The following IL15RA variants were observed in gnomAD, a reference collection of about 807,000 sequenced individuals.
IL15RA encodes interleukin-15 receptor subunit alpha.
Under a neutral mutation model 24.2 loss-of-function variants are expected in IL15RA, and 26 were observed. The observed-to-expected ratio is 1.07, with a 90% CI of 0.79 to 1.49. The LOEUF (loss-of-function observed/expected upper bound fraction) is 1.49. Among genes scored for constraint, IL15RA ranks in the 40% most tolerant of loss-of-function variants. The probability of loss-of-function intolerance (pLI) is 0.00; values close to 1 mark genes in which losing one functional copy is unlikely to be tolerated. For missense variants in IL15RA, 354 were observed against 356.4 expected, an observed-to-expected ratio of 0.99 and a Z score of 0.05; for synonymous variants, 166 against 157.6, an observed-to-expected ratio of 1.05 and a Z score of -0.40.
Position 5,966,212 on chromosome 10 carries a change from C to G in IL15RA, c.216G>C (p.Leu72=), listed in dbSNP as rs765974534. ...GFKRKAGTSS[L]TECVLNKATN... The stretch of plus-strand genomic sequence containing the variant: ...TGGCCTTGTTCAACACGCACTCCGT[C>G]AGGCTGGACGTGCCGGCTTTACGCT... The change falls in exon 2 of 7, where the codon CTG becomes CTC. Residue 72 remains leucine (L), a synonymous_variant. Transcript: ENST00000379977. The surrounding 1 kb of genome is among the most constrained non-coding windows in gnomAD (Gnocchi z 6.4). The G allele has an allele frequency of 6.2e-7, 1 of 1,614,080 alleles. No homozygotes were observed. Among genetic ancestry groups the G allele is most frequent in the South Asian group, 1.1e-5 (1 of 91,072 alleles).
At chr10:5,949,923 C>T (rs893268277), downstream of IL15RA, among the ~76,000 whole-genome samples, 20 of 152,040 alleles carry the variant, frequency 1.3e-4, no homozygotes, top group African/African-American at 4.6e-4. This position sits in a 1 kb window ranked among gnomAD's most constrained non-coding sequence, Gnocchi z 4.4. Flanking sequence ...TGGTGAAACA[C>T]TGTCTCTGCC....
Position 5,953,296 on chromosome 10 carries a change from A to C in IL15RA, c.693-90T>G. ...TTCCCACTGAGCATGTATGTCCAGC[A>C]CTGCGGGGATGGCAGGAGCAGACAG... is the stretch of plus-strand genomic sequence containing the variant. On this transcript the variant is annotated intron_variant, in intron 6 of 6. Transcript: ENST00000379977. The surrounding 1 kb of genome is among the most constrained non-coding windows in gnomAD (Gnocchi z 5.3). 1.1e-6 allele frequency: 1 copy of C among 927,254 alleles called. No individual in the cohort carries two copies. Among genetic ancestry groups the C allele is most frequent in the Non-Finnish European group, 1.8e-6 (1 of 564,422 alleles). The allele number at this position is 927,254 out of a possible 1,614,324, so 57.4% of individuals were successfully genotyped here. A position where few individuals can be genotyped will look rare whatever the true frequency, so the allele number is the denominator to read the frequency against.
rs924673236 is a variant in IL15RA at position 5,967,786 on chromosome 10, C to T, written c.89-1447G>A. 3.3e-5 allele frequency among the ~76,000 whole-genome samples: 5 copies of T among 152,106 alleles called. No homozygotes were observed. The highest frequency in any genetic ancestry group is 9.7e-5 in the African/African-American group (4 of 41,432). On this transcript the variant is annotated intron_variant, in intron 1 of 6. Coordinates refer to ENST00000379977, the MANE Select transcript of IL15RA (RefSeq NM_002189.4). This position sits in a 1 kb window ranked among gnomAD's most constrained non-coding sequence, Gnocchi z 4.4. ...AATTCGATAAAGAATAGGCTGGGTG[C>T]GGTAGCTCACGCCTGTAATCCGAGG... is the stretch of plus-strand genomic sequence containing the variant.
At chr10:5,977,619 C>T, upstream of IL15RA, 2 of 1,259,208 alleles carry the variant, frequency 1.6e-6, no homozygotes, top group East Asian at 3.2e-5. Context: ...TTTGCTTTGG[C>T]CCCCGAGGGC....
rs1197326995 is a variant in IL15RA at position 5,968,521 on chromosome 10, T to C, written c.89-2182A>G. On this transcript the variant is annotated intron_variant, in intron 1 of 6. Coordinates refer to ENST00000379977, the MANE Select transcript of IL15RA (RefSeq NM_002189.4). This position sits in a 1 kb window ranked among gnomAD's most constrained non-coding sequence, Gnocchi z 5.4. ...AATGAGGACACATCTTCTGCTAAGC[T>C]GATGGCGTGAGAGATGGAGTCGATC... The C allele has an allele frequency of 5.9e-6, 3 of 505,806 alleles. No individual in the cohort carries two copies. The highest frequency in any genetic ancestry group is 3.5e-5 in the East Asian group (1 of 28,668). 31.3% of individuals were successfully genotyped at this position (505,806 alleles called of 1,614,324 possible).
rs1375046955 is a variant in IL15RA, at chr10:5,960,676, C to T, written c.383-109G>A. Reference sequence around the variant, plus strand: ...CCATAGTGAGTCACCCTGACCAGCCCTCCCTCTCTCACAGCCAACTGCTCC... The same window carrying T: ...CCATAGTGAGTCACCCTGACCAGCCTTCCCTCTCTCACAGCCAACTGCTCC... On this transcript the variant is annotated intron_variant, in intron 3 of 6. Coordinates refer to ENST00000379977, the MANE Select transcript of IL15RA (RefSeq NM_002189.4). This position sits in a 1 kb window ranked among gnomAD's most constrained non-coding sequence, Gnocchi z 5.1. The T allele has an allele frequency of 6.9e-6, 6 of 868,902 alleles. No homozygotes were observed. The highest frequency in any genetic ancestry group is 1.1e-5 in the Non-Finnish European group (6 of 536,206). The allele number at this position is 868,902 out of a possible 1,614,324, so 53.8% of individuals were successfully genotyped here. A position where few individuals can be genotyped will look rare whatever the true frequency, so the allele number is the denominator to read the frequency against.
chr10:5,969,093 C>G (rs1364049748), intron 1 of IL15RA, among the ~76,000 whole-genome samples: 1 of 152,088 alleles, frequency 6.6e-6, no homozygotes, highest in African/African-American at 2.4e-5. Flanking sequence ...TGTTTTGACA[C>G]CAATACCGTG....
intron 1 of IL15RA, among the ~76,000 whole-genome samples, chr10:5,976,359 C>A (rs950237923): frequency 1.1e-4 from 17 of 152,214 alleles, no homozygotes; most frequent in African/African-American, 4.1e-4. Context: ...AGGGCCTGGG[C>A]AGACTGGCCC....
chr10:5,972,244 T>C (rs1837730769), intron 1 of IL15RA, among the ~76,000 whole-genome samples: 1 of 152,198 alleles, frequency 6.6e-6, no homozygotes, highest in African/African-American at 2.4e-5. Flanking sequence ...GAATCATGCC[T>C]TTCCAAGAAG....
At chr10:5,954,098 A>G (rs796626970) in intron 6 of IL15RA, 18 of 152,332 alleles carry the variant, frequency 1.2e-4, no homozygotes, top group Middle Eastern at 3.4e-3. Flanking sequence ...ATTTGCAAAA[A>G]ACAAGTTTAT....
In IL15RA at chr10:5,966,054, A is replaced by G. The variant is rs561438709; in HGVS notation, c.283+91T>C. 5.4e-6 allele frequency: 5 copies of G among 919,338 alleles called. No individual in the cohort carries two copies. In the African/African-American group the frequency reaches 8.1e-5, roughly 15 times the overall value. The allele number at this position is 919,338 out of a possible 1,614,324, so 56.9% of individuals were successfully genotyped here. A position where few individuals can be genotyped will look rare whatever the true frequency, so the allele number is the denominator to read the frequency against. ...TGTGTTTAGCCTCAGACCTCAGCAC[A>G]GATCCCTTGACCCCTGAGATGGGGT... On this transcript the variant is annotated intron_variant, in intron 2 of 6. Coordinates refer to ENST00000379977, the MANE Select transcript of IL15RA (RefSeq NM_002189.4). The surrounding 1 kb of genome is among the most constrained non-coding windows in gnomAD (Gnocchi z 6.4).
upstream of IL15RA, among the ~76,000 whole-genome samples, chr10:5,978,421 G>C (rs1838769906): frequency 1.3e-5 from 2 of 152,252 alleles, no homozygotes; most frequent in Middle Eastern, 3.4e-3. This position sits in a 1 kb window ranked among gnomAD's most constrained non-coding sequence, Gnocchi z 5.2. Flanking sequence ...ACATTGGACA[G>C]GACGAGACAT....
At chr10:5,952,348 T>C (rs1446629828), downstream of IL15RA, 1 of 152,778 alleles carries the variant, frequency 6.5e-6, no homozygotes, top group African/African-American at 2.4e-5. Context: ...ATGTGGAACA[T>C]TTCTCCTTGG....
downstream of IL15RA, chr10:5,948,997 G>A (rs1833689322): frequency 3.2e-6 from 1 of 313,636 alleles, no homozygotes; most frequent in Admixed American, 3.9e-5. Flanking sequence ...AAGTATAAAT[G>A]CATATATATG....
At chr10:5,950,678 C>T (rs11256094), downstream of IL15RA, 5,588 of 152,260 alleles carry the variant, frequency 0.037, 118 homozygotes, top group Middle Eastern at 0.064. The surrounding 1 kb of genome is among the most constrained non-coding windows in gnomAD (Gnocchi z 5.6). Context: ...AAAAGTGATG[C>T]GTGCCAGTGT....
chr10:5,953,723 A>T lies in IL15RA; in HGVS notation c.693-517T>A, dbSNP rs1230633746. The T allele has an allele frequency of 2.0e-5, 5 of 245,248 alleles. No individual in the cohort carries two copies. Among genetic ancestry groups the T allele is most frequent in the African/African-American group, 1.1e-4 (5 of 45,046 alleles). 15.2% of individuals were successfully genotyped at this position (245,248 alleles called of 1,614,324 possible). On this transcript the variant is annotated intron_variant, in intron 6 of 6. Coordinates refer to ENST00000379977, the MANE Select transcript of IL15RA (RefSeq NM_002189.4). The surrounding 1 kb of genome is among the most constrained non-coding windows in gnomAD (Gnocchi z 5.3). ...AACCAGAGTTGATCATCTTGAAAAA[A>T]GTGATTTAATATTCATGAAGCTTTT...
At chr10:5,969,010 G>A in intron 1 of IL15RA, 1 of 1,525,946 alleles carries the variant, frequency 6.6e-7, no homozygotes, top group Non-Finnish European at 8.8e-7. Flanking sequence ...GTAGGATCCT[G>A]AGCAAGGACT....
chr10:5,966,371 A>G lies in IL15RA; in HGVS notation c.89-32T>C, dbSNP rs543217496. The G allele has an allele frequency of 6.2e-4, 980 of 1,577,472 alleles. 10 individuals carry two copies. The South Asian group carries it at 0.01, about 17-fold the overall frequency. Reference sequence around the variant, plus strand: ...AAGTGCAGAGGACAGGGGACGGTGAAGAGGTTTCCACTTGTAAGAGGCGTT... The same window carrying G: ...AAGTGCAGAGGACAGGGGACGGTGAGGAGGTTTCCACTTGTAAGAGGCGTT... On this transcript the variant is annotated intron_variant, in intron 1 of 6. Transcript: ENST00000379977. The surrounding 1 kb of genome is among the most constrained non-coding windows in gnomAD (Gnocchi z 6.4).
Position 5,977,424 on chromosome 10 carries a change from G to T in IL15RA, c.69C>A (p.Leu23=). The T allele has an allele frequency of 1.5e-6, 2 of 1,353,752 alleles. No homozygotes were observed. The highest frequency in any genetic ancestry group is 3.6e-5 in the South Asian group (2 of 55,966). 83.9% of individuals were successfully genotyped at this position (1,353,752 alleles called of 1,614,324 possible). ...CCCTACCCCGCGTCGCCGGCGGCCG[G>T]AGCAGCAGCAGCAGTAGCAGCGCCG... ...GLPALLLLLL[L]RPPATRGITC... Residue 23 remains leucine, a synonymous_variant, in exon 1 of 7, where the codon CTC becomes CTA. Transcript: ENST00000379977.
Sources: gnomAD v4.1 joint callset for allele counts (sites outside exome capture counted in the v4.1 genomes callset) on GRCh38, gnomAD v4.1.1 for gene constraint, Gnocchi (gnomAD v3.1) non-coding constraint, MANE v1.5 for transcripts, NCBI Gene and HGNC (gene_info 2026-07-23, HGNC 2026-07-21) for gene names.